Variants in NT5DC1 observed in about 807,000 individuals in gnomAD.
NT5DC1 encodes 5'-nucleotidase domain-containing protein 1.
Under a neutral mutation model 59.4 loss-of-function variants are expected in NT5DC1, and 42 were observed. That is an observed-to-expected ratio of 0.71 (90% confidence interval 0.55 to 0.92). The LOEUF (loss-of-function observed/expected upper bound fraction) is 0.92, where lower values mean the gene tolerates loss of function less well. Among genes scored for constraint, NT5DC1 ranks in the 40% least tolerant of loss-of-function variants. The pLI is 0.00. For synonymous variants in NT5DC1, 172 were observed against 188.1 expected, an observed-to-expected ratio of 0.91 and a Z score of 0.70; for missense variants, 501 against 537.1, an observed-to-expected ratio of 0.93 and a Z score of 0.66.
rs1329810394 is a variant in NT5DC1 at position 116,163,139 on chromosome 6, A to ATATATATATAT, written c.529+45194_529+45195insTATATATATAT. 1.5e-4 allele frequency among the ~76,000 whole-genome samples: 15 copies of ATATATATATAT among 100,392 alleles called. No homozygotes were observed. The East Asian group carries it at 2.7e-3, about 18-fold the overall frequency. The allele number at this position is 100,392 out of a possible 152,430, so 65.9% of individuals were successfully genotyped here. A position where few individuals can be genotyped will look rare whatever the true frequency, so the allele number is the denominator to read the frequency against. ...GAGACTCCGTCTCAAAAAAAAAAAA[A>ATATATATATAT]AAATATATATATATATATATATATT... On this transcript the variant is annotated intron_variant, in intron 6 of 11. Coordinates refer to ENST00000319550, the MANE Select transcript of NT5DC1 (RefSeq NM_152729.3).
intron 6 of NT5DC1, among the ~76,000 whole-genome samples, chr6:116,131,909 A>C (rs189535543): frequency 1.6e-4 from 24 of 152,204 alleles, no homozygotes; most frequent in African/African-American, 5.8e-4. Flanking sequence ...CCTACTTATA[A>C]GTGAGAACAT....
intron 6 of NT5DC1, among the ~76,000 whole-genome samples, chr6:116,192,347 T>G (rs1172199907): frequency 6.6e-6 from 1 of 152,052 alleles, no homozygotes; most frequent in Non-Finnish European, 1.5e-5. Flanking sequence ...AAAGGCATTA[T>G]TTCCGTTTTG....
chr6:116,159,557 T>C (rs1276159524), intron 6 of NT5DC1, among the ~76,000 whole-genome samples: 5 of 152,228 alleles, frequency 3.3e-5, no homozygotes, highest in Admixed American at 2.6e-4. Context: ...TTGCTGAATC[T>C]GTATGATGTA....
intron 9 of NT5DC1, among the ~76,000 whole-genome samples, 184 bp from the exon 10 acceptor site, chr6:116,238,003 C>A (rs897181397): frequency 2.6e-5 from 4 of 152,132 alleles, no homozygotes; most frequent in African/African-American, 9.7e-5. Context: ...AATCTGGCAC[C>A]CTGTGAATCA....
chr6:116,218,662 TATATAGCCTCTGGCATGTTAAA>T (rs1220715382), intron 6 of NT5DC1, among the ~76,000 whole-genome samples: 1 of 152,156 alleles, frequency 6.6e-6, no homozygotes, highest in African/African-American at 2.4e-5. Flanking sequence ...AAAGGGCTAT[TATATAGCCTCTGGCATGTTAAA>T]AATAGATCCT....
At chr6:116,240,087 G>A (rs1771670766) in intron 11 of NT5DC1, among the ~76,000 whole-genome samples, 1 of 152,146 alleles carries the variant, frequency 6.6e-6, no homozygotes, top group Admixed American at 6.5e-5. Context: ...GAAGCAGTAA[G>A]AGAAAAATCA....
chr6:116,229,767 TC>T (rs1781980354), intron 8 of NT5DC1, among the ~76,000 whole-genome samples: 2 of 152,110 alleles, frequency 1.3e-5, no homozygotes, highest in African/African-American at 4.8e-5. Flanking sequence ...ATTGGGAGAA[TC>T]ATGAGCCAAC....
chr6:116,181,834 A>T (rs1780878720), intron 6 of NT5DC1, among the ~76,000 whole-genome samples: 1 of 152,126 alleles, frequency 6.6e-6, no homozygotes, highest in Admixed American at 6.6e-5. Flanking sequence ...CAAATTAATT[A>T]TATAAATTCA....
At chr6:116,191,813 T>A (rs1299532607) in intron 6 of NT5DC1, among the ~76,000 whole-genome samples, 1 of 152,078 alleles carries the variant, frequency 6.6e-6, no homozygotes, top group East Asian at 1.9e-4. Context: ...TTTATATATT[T>A]GTATTCCCCA....
chr6:116,161,680 C>A (rs979305965), intron 6 of NT5DC1, among the ~76,000 whole-genome samples: 1 of 152,112 alleles, frequency 6.6e-6, no homozygotes, highest in African/African-American at 2.4e-5. Flanking sequence ...CAAGTTTATT[C>A]TTTTTGCTTA....
chr6:116,155,495 G>A (rs561295367), intron 6 of NT5DC1, among the ~76,000 whole-genome samples: 4 of 151,970 alleles, frequency 2.6e-5, no homozygotes, highest in Non-Finnish European at 4.4e-5. Flanking sequence ...CATGTAATAC[G>A]TACTGAATCC....
chr6:116,104,269 C>G (rs899531533), intron 1 of NT5DC1, among the ~76,000 whole-genome samples: 1 of 152,198 alleles, frequency 6.6e-6, no homozygotes, highest in Non-Finnish European at 1.5e-5. Flanking sequence ...CCCTTCTCTC[C>G]TGTTACAGAA....
intron 6 of NT5DC1, among the ~76,000 whole-genome samples, chr6:116,181,380 G>A (rs1253772006): frequency 6.6e-6 from 1 of 152,018 alleles, no homozygotes; most frequent in East Asian, 1.9e-4. Context: ...GGAATTATCA[G>A]TTTAATTTAT....
At chr6:116,220,440 G>T (rs555271472) in intron 6 of NT5DC1, among the ~76,000 whole-genome samples, 1 of 152,148 alleles carries the variant, frequency 6.6e-6, no homozygotes, top group Non-Finnish European at 1.5e-5. Context: ...TCAGTGATGC[G>T]AGTCATTCAT....
intron 1 of NT5DC1, among the ~76,000 whole-genome samples, chr6:116,104,086 T>TGG (rs751280370): frequency 6.6e-6 from 1 of 152,200 alleles, no homozygotes; most frequent in East Asian, 1.9e-4. Context: ...TAGCTAAGGC[T>TGG]GGGGGAGGAA....
At chr6:116,132,818 CAG>C (rs1278202030) in intron 6 of NT5DC1, among the ~76,000 whole-genome samples, 1 of 152,100 alleles carries the variant, frequency 6.6e-6, no homozygotes, top group Non-Finnish European at 1.5e-5. Flanking sequence ...GAAGTTTAGT[CAG>C]GGCACCTTCC....
At chr6:116,218,033 A>G (rs1230358858) in intron 6 of NT5DC1, among the ~76,000 whole-genome samples, 1 of 152,144 alleles carries the variant, frequency 6.6e-6, no homozygotes, top group Non-Finnish European at 1.5e-5. Flanking sequence ...ATGTGTTTGT[A>G]CAGGGCTTGT....
chr6:116,231,394 T>C (rs978493328), intron 8 of NT5DC1, among the ~76,000 whole-genome samples: 1 of 152,184 alleles, frequency 6.6e-6, no homozygotes, highest in Admixed American at 6.5e-5. Context: ...CAAATTTACA[T>C]ATATACAGAA....
At position 116,141,985 on chromosome 6, in the gene NT5DC1, A is replaced by C. The variant is rs1020474616; in HGVS notation, c.529+24040A>C. 2.0e-5 allele frequency among the ~76,000 whole-genome samples: 3 copies of C among 151,796 alleles called. No individual in the cohort carries two copies. In the East Asian group the frequency reaches 5.8e-4, roughly 29 times the overall value. ...ATATAGGAATTCCTGTTTCAGGAAA[A>C]TTTTGACAAAGTTACTTAGATGAAA... On this transcript the variant is annotated intron_variant, in intron 6 of 11. Coordinates refer to ENST00000319550, the MANE Select transcript of NT5DC1 (RefSeq NM_152729.3).
Sources: allele counts gnomAD v4.1 joint callset (sites outside exome capture counted in the v4.1 genomes callset), GRCh38; gene constraint gnomAD v4.1.1; transcripts MANE v1.5; gene names NCBI Gene and HGNC (gene_info 2026-07-23, HGNC 2026-07-21).